The following SLC27A3 variants were observed in gnomAD, a reference collection of about 807,000 sequenced individuals.
The protein encoded by SLC27A3 is long-chain fatty acid transport protein 3.
SLC27A3 carries 60 observed loss-of-function variants against 60.1 expected under a neutral mutation model. The ratio of observed to expected loss-of-function variants is 1.00; its 90% CI spans 0.81 to 1.24. The LOEUF is 1.24. SLC27A3 is among the 50% of genes most tolerant of loss of function. SLC27A3 has a pLI of 0.00. For synonymous variants in SLC27A3, 455 were observed against 409.0 expected (o/e 1.11, Z -1.36); for missense variants, 1,079 against 929.9 (o/e 1.16, Z -2.09).
Position 153,777,840 on chromosome 1 carries a change from C to T in SLC27A3, c.1116C>T (p.Phe372=). Residue 372 remains phenylalanine (F), a synonymous_variant, in exon 4 of 10, where the codon TTC becomes TTT. Transcript: ENST00000624995. ...GCCAGCAGCACAGGGTGACGGTGTTCCAGTACATTGGGGAGCTGTGCCGAT... is the reference window on the plus strand; with the variant it reads ...GCCAGCAGCACAGGGTGACGGTGTTTCAGTACATTGGGGAGCTGTGCCGAT... ...EDCQQHRVTV[F]QYIGELCRYL... is the part of the protein sequence containing the mutation. The T allele has an allele frequency of 5.0e-6, 8 of 1,614,240 alleles. No individual in the cohort carries two copies. The highest frequency in any genetic ancestry group is 5.9e-6 in the Non-Finnish European group (7 of 1,180,050).
rs945844472 is a variant in SLC27A3 at position 153,776,167 on chromosome 1, A to G, written c.667+3A>G. On this transcript the variant is annotated splice_donor_region_variant and intron_variant, in intron 1 of 9. Coordinates refer to ENST00000624995, the MANE Select transcript of SLC27A3 (RefSeq NM_024330.4). ...GCGCGCGCTGGTGCTGGCGCCAGGT[A>G]AGGCTGGAGCTCCGAACTGACTAAG... 11 of 1,415,992 alleles carry G rather than the reference A, an allele frequency of 7.8e-6. No homozygotes were observed. Among genetic ancestry groups the G allele is most frequent in the Middle Eastern group, 5.2e-4 (2 of 3,844 alleles). The allele number at this position is 1,415,992 out of a possible 1,614,324, so 87.7% of individuals were successfully genotyped here.
chr1:153,777,005 T>G (rs527767532), intron 2 of SLC27A3, 57 bp from the exon 3 acceptor site: 5 of 1,582,330 alleles, frequency 3.2e-6, no homozygotes, highest in Admixed American at 3.4e-5. Flanking sequence ...TGCAAACAGA[T>G]AGGTAGAGCT....
intron 9 of SLC27A3, 78 bp downstream of exon 9, chr1:153,779,551 G>A: frequency 6.7e-7 from 1 of 1,497,958 alleles, no homozygotes; most frequent in African/African-American, 1.4e-5. Flanking sequence ...ATCAACTTAG[G>A]AGTTTGATGG....
In SLC27A3 at chr1:153,777,257, A is replaced by T. The variant is rs776882468; in HGVS notation, c.1036+37A>T. 7 of 1,611,278 alleles carry T rather than the reference A, an allele frequency of 4.3e-6. No homozygotes were observed. In the African/African-American group the frequency reaches 5.3e-5, roughly 12 times the overall value. On this transcript the variant is annotated intron_variant, in intron 3 of 9. Coordinates refer to ENST00000624995, the MANE Select transcript of SLC27A3 (RefSeq NM_024330.4). The stretch of plus-strand genomic sequence containing the variant: ...CAACCCCACCTTCATTAATTCATCC[A>T]GTAGACATTTATTAAGCACGTACTA...
rs774220017 is a variant in SLC27A3, at chr1:153,776,627, T to C, written c.777T>C (p.Ala259=). ...CTGCTGGAATTAGCGATTTGCTGGC[T>C]GAAGTGTCCGCTGAAGTGGATGGGC... ...THPAGISDLL[A]EVSAEVDGPV... The change falls in exon 2 of 10, where the codon GCT becomes GCC. Residue 259 remains alanine (A), a synonymous_variant. Coordinates refer to ENST00000624995, the MANE Select transcript of SLC27A3 (RefSeq NM_024330.4). The C allele has an allele frequency of 1.2e-6, 2 of 1,614,216 alleles. No homozygotes were observed. The highest frequency in any genetic ancestry group is 1.7e-6 in the Non-Finnish European group (2 of 1,180,036).
At chr1:153,777,482 T>G in intron 3 of SLC27A3, 1 of 614,074 alleles carries the variant, frequency 1.6e-6, no homozygotes, top group South Asian at 2.0e-5. Flanking sequence ...AACAGGCAAG[T>G]AAGAGAAGAG....
intron 3 of SLC27A3, 192 bp downstream of exon 3, chr1:153,777,412 TACAGCCAC>T (rs1473591493): frequency 1.5e-6 from 1 of 688,144 alleles, no homozygotes; most frequent in East Asian, 2.7e-5. Flanking sequence ...AGGGGGGCCA[TACAGCCAC>T]ATAACTCCAG....
chr1:153,776,589 C>G lies in SLC27A3; in HGVS notation c.739C>G (p.Pro247Ala). ...AMGLHLWAAG[P>A]GTHPAGISDL... ...GGGGCTCCACCTGTGGGCTGCAGGC[C>G]CAGGAACCCACCCTGCTGGAATTAG... The change falls in exon 2 of 10, where the codon CCA (proline) becomes GCA (alanine). Residue 247 changes from proline to alanine, a missense_variant. Coordinates refer to ENST00000624995, the MANE Select transcript of SLC27A3 (RefSeq NM_024330.4). 1.9e-6 allele frequency: 3 copies of G among 1,614,192 alleles called. No homozygotes were observed. Among genetic ancestry groups the G allele is most frequent in the Non-Finnish European group, 2.5e-6 (3 of 1,180,032 alleles).
In SLC27A3 at chr1:153,777,658, G is replaced by A. The variant is rs116889452; in HGVS notation, c.1037-103G>A. ...TGACTCCCACAGTGGGCCCTTCCCA[G>A]GGAAAGACTACAGTGATGGCTGGGG... On this transcript the variant is annotated intron_variant, in intron 3 of 9. Transcript: ENST00000624995. The A allele has an allele frequency of 1.2e-4, 179 of 1,443,770 alleles. No individual in the cohort carries two copies. In the East Asian group the frequency reaches 4.0e-3, roughly 32 times the overall value. The allele number at this position is 1,443,770 out of a possible 1,614,324, so 89.4% of individuals were successfully genotyped here.
rs1398137499 is a variant in SLC27A3, at chr1:153,775,672, G to C, written c.175G>C (p.Glu59Gln). ...CCTGGCCGCGGCTGCCGCCGACCCGGAAGGTCCCGAGGGGGGCTGCAGCCT... is the reference window on the plus strand; with the variant it reads ...CCTGGCCGCGGCTGCCGCCGACCCGCAAGGTCCCGAGGGGGGCTGCAGCCT... ...RALAAAAADP[E>Q]GPEGGCSLAW... The change falls in exon 1 of 10, where the codon GAA becomes CAA. Residue 59 changes from glutamate to glutamine, a missense_variant. Glu to Gln is a conservative substitution (Grantham distance 29). Coordinates refer to ENST00000624995, the MANE Select transcript of SLC27A3 (RefSeq NM_024330.4). 1 of 1,536,580 alleles carries C rather than the reference G, an allele frequency of 6.5e-7. No individual in the cohort carries two copies. Among genetic ancestry groups the C allele is most frequent in the Non-Finnish European group, 8.8e-7 (1 of 1,142,702 alleles).
chr1:153,778,256 G>A lies in SLC27A3; in HGVS notation c.1257G>A (p.Leu419=), dbSNP rs761445172. ...WERFVRRFGP[L]QVLETYGLTE... is the part of the protein sequence containing the mutation. ...GTTTTGTGCGGCGCTTCGGGCCCCT[G>A]CAGGTGCTGGAGACATATGGACTGA... Residue 419 remains leucine, a synonymous_variant, in exon 5 of 10, where the codon CTG becomes CTA. Transcript: ENST00000624995. The A allele has an allele frequency of 4.3e-6, 7 of 1,614,000 alleles. No homozygotes were observed. Among genetic ancestry groups the A allele is most frequent in the Non-Finnish European group, 5.1e-6 (6 of 1,180,046 alleles).
chr1:153,778,580 G>A (rs184552714), intron 6 of SLC27A3, 27 bp downstream of exon 6: 74 of 1,611,036 alleles, frequency 4.6e-5, no homozygotes, highest in Admixed American at 1.5e-4. Flanking sequence ...TGGGGTGGGC[G>A]GGGTGCTGAA....
chr1:153,778,576 G>A, intron 6 of SLC27A3, 23 bp downstream of exon 6: 1 of 1,611,906 alleles, frequency 6.2e-7, no homozygotes, highest in East Asian at 2.2e-5. Context: ...CTGGTGGGGT[G>A]GGCGGGGTGC....
rs1222133015 is a variant in SLC27A3 at position 153,776,092 on chromosome 1, A to C, written c.595A>C (p.Thr199Pro). ...KAGLRTAFVP[T>P]ALRRGPLLHC... ...CGGCCTGCGCACTGCCTTTGTGCCC[A>C]CCGCCCTGCGCCGGGGCCCCCTGCT... The change falls in exon 1 of 10, where the codon ACC becomes CCC. Residue 199 changes from threonine (T) to proline (P), a missense_variant. Coordinates refer to ENST00000624995, the MANE Select transcript of SLC27A3 (RefSeq NM_024330.4). The C allele has an allele frequency of 1.3e-6, 2 of 1,481,788 alleles. No homozygotes were observed. Among genetic ancestry groups the C allele is most frequent in the Non-Finnish European group, 1.8e-6 (2 of 1,130,028 alleles). 91.8% of individuals were successfully genotyped at this position (1,481,788 alleles called of 1,614,324 possible).
At position 153,775,898 on chromosome 1, in the gene SLC27A3, CGCCGGGAGCCGGAGATGCAGCG is replaced by C. The variant is rs1673180975; in HGVS notation, c.407_428del (p.Gly136GlufsTer93). On this transcript the variant is annotated frameshift_variant, in exon 1 of 10. Coordinates refer to ENST00000624995, the MANE Select transcript of SLC27A3 (RefSeq NM_024330.4). LOFTEE classifies it high-confidence loss of function. ...AGCGCTGGAGAAGGCGAGCGGGCAG[CGCCGGGAGCCGGAGATGCAGCG>C]GCCGGAAGCGGCGCGGAGTTTGCCG... 2.0e-6 allele frequency: 3 copies of C among 1,474,514 alleles called. No homozygotes were observed. Among genetic ancestry groups the C allele is most frequent in the Non-Finnish European group, 1.8e-6 (2 of 1,119,446 alleles). 91.3% of individuals were successfully genotyped at this position (1,474,514 alleles called of 1,614,324 possible).
chr1:153,779,726 C>A, intron 9 of SLC27A3, 100 bp from the exon 10 acceptor site: 1 of 1,214,396 alleles, frequency 8.2e-7, no homozygotes, highest in African/African-American at 1.5e-5. Flanking sequence ...CCTCACACTC[C>A]CTTTCCCAAG....
chr1:153,779,083 C>A, intron 7 of SLC27A3, 31 bp from the exon 8 acceptor site: 11 of 1,608,886 alleles, frequency 6.8e-6, no homozygotes, highest in Non-Finnish European at 9.4e-6. Flanking sequence ...TGACCCCTGA[C>A]TCCCAGTTTC....
rs1558019688 is a variant in SLC27A3, at chr1:153,776,646, G to C, written c.796G>C (p.Asp266His). The C allele has an allele frequency of 6.2e-7, 1 of 1,614,158 alleles. No individual in the cohort carries two copies. Among genetic ancestry groups the C allele is most frequent in the East Asian group, 2.2e-5 (1 of 44,880 alleles). ...DLLAEVSAEV[D>H]GPVPGYLSSP... ...GCTGGCTGAAGTGTCCGCTGAAGTG[G>C]ATGGGCCAGTGCCAGGATACCTCTC... Residue 266 changes from aspartate to histidine, a missense_variant, in exon 2 of 10, where the codon GAT becomes CAT. By Grantham distance (81) the Asp-to-His change is moderately conservative. Coordinates refer to ENST00000624995, the MANE Select transcript of SLC27A3 (RefSeq NM_024330.4).
intron 2 of SLC27A3, 51 bp from the exon 3 acceptor site, chr1:153,777,011 G>A (rs766918861): frequency 2.9e-5 from 46 of 1,595,476 alleles, no homozygotes; most frequent in Non-Finnish European, 3.8e-5. Flanking sequence ...CAGATAGGTA[G>A]AGCTTGGAGT....
Sources: gnomAD v4.1 joint callset for allele counts on GRCh38, gnomAD v4.1.1 for gene constraint, MANE v1.5 for transcripts, NCBI Gene and HGNC (gene_info 2026-07-23, HGNC 2026-07-21) for gene names.